The following MPP7 variants were observed in gnomAD, a reference collection of about 807,000 sequenced individuals.
MPP7 encodes the protein MAGUK p55 scaffold protein 7.
In MPP7, 60 loss-of-function variants were observed where a neutral mutation model predicts 76.5. That is an observed-to-expected ratio of 0.78 (90% confidence interval 0.64 to 0.97). The LOEUF (loss-of-function observed/expected upper bound fraction) is 0.97. Ranked by LOEUF, MPP7 falls within the 50% of genes least tolerant of loss-of-function variation. The probability of loss-of-function intolerance (pLI) is 0.00; values close to 1 mark genes in which losing one functional copy is unlikely to be tolerated. For missense variants in MPP7, 641 were observed against 694.0 expected, an observed-to-expected ratio of 0.92 and a Z score of 0.86; for synonymous variants, 237 against 244.5, an observed-to-expected ratio of 0.97 and a Z score of 0.29.
chr10:28,268,015 G>A (rs527320137), intron 1 of MPP7, among the ~76,000 whole-genome samples: 2 of 152,138 alleles, frequency 1.3e-5, no homozygotes, highest in East Asian at 3.9e-4. Flanking sequence ...ACCCAGGCTG[G>A]TGAAGTACAC....
At position 28,161,649 on chromosome 10, in the gene MPP7, C is replaced by T. The variant is rs887353762; in HGVS notation, c.157-11590G>A. 2.6e-5 allele frequency among the ~76,000 whole-genome samples: 4 copies of T among 152,242 alleles called. No homozygotes were observed. The South Asian group carries it at 8.3e-4, about 32-fold the overall frequency. On this transcript the variant is annotated intron_variant, in intron 3 of 16. Coordinates refer to ENST00000683449, the MANE Select transcript of MPP7 (RefSeq NM_001318170.2). Reference sequence around the variant, plus strand: ...CATTCCTATTCCTAAACAACATTTCCTACCACCTCAAAGCTAAACATCCTC... The same window carrying T: ...CATTCCTATTCCTAAACAACATTTCTTACCACCTCAAAGCTAAACATCCTC...
intron 1 of MPP7, among the ~76,000 whole-genome samples, chr10:28,247,250 C>T (rs1839466265): frequency 6.6e-6 from 1 of 152,174 alleles, no homozygotes; most frequent in African/African-American, 2.4e-5. Flanking sequence ...TTACTGACAA[C>T]AGACTCATGT....
At chr10:28,157,675 C>A (rs1337068387) in intron 3 of MPP7, among the ~76,000 whole-genome samples, 1 of 152,214 alleles carries the variant, frequency 6.6e-6, no homozygotes, top group Non-Finnish European at 1.5e-5. Context: ...AGGTTCCACC[C>A]ACAGGGACCT....
At chr10:28,254,837 G>C (rs552935594) in intron 1 of MPP7, 1 of 152,070 alleles carries the variant, frequency 6.6e-6, no homozygotes, top group African/African-American at 2.4e-5. Flanking sequence ...ACTTAATGAC[G>C]ACCTCAGTGA....
chr10:28,174,160 G>A (rs1836780254), intron 3 of MPP7, among the ~76,000 whole-genome samples: 1 of 152,200 alleles, frequency 6.6e-6, no homozygotes, highest in Admixed American at 6.5e-5. Context: ...GAATGTGTGT[G>A]TGGAACAGCA....
chr10:28,320,949 C>T (rs1349482068), intron 2 of MPP7, among the ~76,000 whole-genome samples: 2 of 151,988 alleles, frequency 1.3e-5, no homozygotes, highest in Non-Finnish European at 2.9e-5. Flanking sequence ...GACAGAGTGT[C>T]CCCCAGAGCT....
At chr10:28,190,645 G>A (rs537668220) in intron 3 of MPP7, among the ~76,000 whole-genome samples, 7 of 152,226 alleles carry the variant, frequency 4.6e-5, no homozygotes, top group Non-Finnish European at 7.4e-5. Context: ...ACTAAAACTT[G>A]TGAGATGCTG....
chr10:28,086,004 T>C (rs554010636), intron 12 of MPP7, among the ~76,000 whole-genome samples: 10 of 152,162 alleles, frequency 6.6e-5, no homozygotes, highest in South Asian at 2.1e-4. Context: ...ATGGATGAAG[T>C]TGGAAACCAT....
At position 28,253,803 on chromosome 10, in the gene MPP7, C is replaced by T. The variant is rs548492180; in HGVS notation, c.-131-15068G>A. On this transcript the variant is annotated intron_variant, in intron 1 of 16. Transcript: ENST00000683449. Reference sequence around the variant, plus strand: ...TTGAGCTCAGGAGTTCAAGACCAGCCTGGTCAACATGGCAAAACCTCGTCT... The same window carrying T: ...TTGAGCTCAGGAGTTCAAGACCAGCTTGGTCAACATGGCAAAACCTCGTCT... Among the ~76,000 whole-genome samples the T allele has an allele frequency of 2.1e-3, 324 of 151,930 alleles. 1 individual carries two copies. Among genetic ancestry groups the T allele is most frequent in the African/African-American group, 7.7e-3 (320 of 41,426 alleles).
intron 1 of MPP7, among the ~76,000 whole-genome samples, chr10:28,284,384 G>A (rs1299683728): frequency 6.6e-6 from 1 of 152,194 alleles, no homozygotes; most frequent in East Asian, 1.9e-4. Context: ...GGAGGGAGCA[G>A]CAGCTTAAAA....
chr10:28,216,288 G>A (rs1588937824), intron 2 of MPP7, among the ~76,000 whole-genome samples: 1 of 151,824 alleles, frequency 6.6e-6, no homozygotes, highest in Non-Finnish European at 1.5e-5. Context: ...TGCACTCCAG[G>A]CTGGGCGACA....
At chr10:28,102,584 C>T (rs961288807) in intron 11 of MPP7, among the ~76,000 whole-genome samples, 1 of 152,160 alleles carries the variant, frequency 6.6e-6, no homozygotes, top group African/African-American at 2.4e-5. Flanking sequence ...CAATACGCCT[C>T]AAATGGAATC....
chr10:28,306,668 T>TAGAG (rs55731439), upstream of MPP7, among the ~76,000 whole-genome samples: 42,664 of 148,378 alleles, frequency 0.29, 6,395 homozygotes, highest in East Asian at 0.44. Context: ...GATAGATAGA[T>TAGAG]AGAGAGAGAG....
chr10:28,231,476 T>C (rs1167020148), intron 2 of MPP7, among the ~76,000 whole-genome samples: 8 of 149,248 alleles, frequency 5.4e-5, no homozygotes, highest in African/African-American at 1.5e-4. Flanking sequence ...AAAAGACTAA[T>C]AGAATTGACA....
At chr10:28,236,462 T>A (rs1839077448) in intron 2 of MPP7, 1 of 152,034 alleles carries the variant, frequency 6.6e-6, no homozygotes, top group South Asian at 2.1e-4. Context: ...TAACAAAATC[T>A]GTGATTAAAA....
chr10:28,162,769 T>C (rs1836304597), intron 3 of MPP7, among the ~76,000 whole-genome samples: 1 of 152,192 alleles, frequency 6.6e-6, no homozygotes, highest in African/African-American at 2.4e-5. Context: ...ACAAAAGTGA[T>C]GGGAGGTCCC....
At chr10:28,146,518 C>G (rs1332698206) in intron 5 of MPP7, among the ~76,000 whole-genome samples, 78 of 151,910 alleles carry the variant, frequency 5.1e-4, no homozygotes, top group African/African-American at 1.8e-3. Flanking sequence ...TCTCCTGCCT[C>G]AGCCTCCCGA....
In MPP7 at chr10:28,062,894, G is replaced by C. The variant is rs201326002; in HGVS notation, c.1205-3151C>G. On this transcript the variant is annotated intron_variant, in intron 13 of 16. Coordinates refer to ENST00000683449, the MANE Select transcript of MPP7 (RefSeq NM_001318170.2). ...GTAAAACCTAAAACTGTAAAACTTC[G>C]AGAAGAAAACAGGAGAATGTCTTTG... Among the ~76,000 whole-genome samples, 7 of 152,180 alleles carry C rather than the reference G, an allele frequency of 4.6e-5. No homozygotes were observed. The East Asian group carries it at 1.3e-3, about 29-fold the overall frequency.
Position 28,238,570 on chromosome 10 carries a change from G to C in MPP7, c.35C>G (p.Thr12Ser), listed in dbSNP as rs760599935. 1.2e-5 allele frequency: 20 copies of C among 1,613,982 alleles called. No homozygotes were observed. In the Admixed American group the frequency reaches 3.3e-4, roughly 27 times the overall value. Reference protein sequence around the residue: ...PALSTGSGSDTGLYELLAALP... With the variant: ...PALSTGSGSDSGLYELLAALP... ...CTGCCCCTCTTGGGGTCACATACCAGTGTCACTCCCAGATCCCGTTGACAA... is the reference window on the plus strand; with the variant it reads ...CTGCCCCTCTTGGGGTCACATACCACTGTCACTCCCAGATCCCGTTGACAA... The change falls in exon 2 of 17, where the codon ACT becomes AGT. Residue 12 changes from threonine (T) to serine (S), a missense_variant and splice_region_variant. Thr to Ser is a moderately conservative substitution (Grantham distance 58). Coordinates refer to ENST00000683449, the MANE Select transcript of MPP7 (RefSeq NM_001318170.2).
Sources: allele counts gnomAD v4.1 joint callset (sites outside exome capture counted in the v4.1 genomes callset), GRCh38; gene constraint gnomAD v4.1.1; transcripts MANE v1.5; gene names NCBI Gene and HGNC (gene_info 2026-07-23, HGNC 2026-07-21).